Variants in KLHL38 observed in about 807,000 individuals in gnomAD.
KLHL38 encodes the protein kelch like family member 38.
A neutral mutation model predicts 39.6 loss-of-function variants in KLHL38; 38 were observed. The ratio of observed to expected loss-of-function variants is 0.96; its 90% CI spans 0.74 to 1.26. The LOEUF (loss-of-function observed/expected upper bound fraction) is 1.26. Among genes scored for constraint, KLHL38 ranks in the 50% most tolerant of loss-of-function variants. The probability of loss-of-function intolerance (pLI) is 0.00; values close to 1 mark genes in which losing one functional copy is unlikely to be tolerated. For synonymous variants in KLHL38, 322 were observed against 302.2 expected, an observed-to-expected ratio of 1.07 and a Z score of -0.68; for missense variants, 803 against 748.1, an observed-to-expected ratio of 1.07 and a Z score of -0.86.
At position 123,647,896 on chromosome 8, in the gene KLHL38, G is replaced by A. The variant is rs557148181; in HGVS notation, c.1351-882C>T. 4.2e-4 allele frequency among the ~76,000 whole-genome samples: 64 copies of A among 152,210 alleles called. 1 individual carries two copies. In the South Asian group the frequency reaches 0.013, roughly 32 times the overall value. ...AGTTTGAGACCAGTCTGGCCAACAT[G>A]GTGAAACCCCATCTCTACTAAAAAT... is the stretch of plus-strand genomic sequence containing the variant. On this transcript the variant is annotated intron_variant, in intron 2 of 3. Coordinates refer to ENST00000684634, the MANE Select transcript of KLHL38 (RefSeq NM_001081675.3).
chr8:123,651,458 G>A, intron 2 of KLHL38, 119 bp downstream of exon 2: 1 of 989,708 alleles, frequency 1.0e-6, no homozygotes, highest in Middle Eastern at 2.3e-4. Flanking sequence ...ATATATTTAT[G>A]TGCATATATG....
Position 123,652,674 on chromosome 8 carries a change from G to T in KLHL38, c.253C>A (p.Leu85Met). ...VQLKGIDPPT[L>M]DQIVSYVYTG... ...TACACGTAGGAGACGATCTGGTCCAGGGTTGGGGGGTCAATGCCTTTCAGC... is the reference window on the plus strand; with the variant it reads ...TACACGTAGGAGACGATCTGGTCCATGGTTGGGGGGTCAATGCCTTTCAGC... The change falls in exon 2 of 4, where the codon CTG becomes ATG. Residue 85 changes from leucine (L) to methionine (M), a missense_variant. Physicochemically the swap from Leu to Met is conservative, Grantham distance 15 (BLOSUM62 2). Coordinates refer to ENST00000684634, the MANE Select transcript of KLHL38 (RefSeq NM_001081675.3). The T allele has an allele frequency of 1.2e-6, 2 of 1,614,202 alleles. No homozygotes were observed. Among genetic ancestry groups the T allele is most frequent in the South Asian group, 2.2e-5 (2 of 91,074 alleles).
At chr8:123,646,448 C>T (rs4439107) in intron 3 of KLHL38, among the ~76,000 whole-genome samples, 6,159 of 152,254 alleles carry the variant, frequency 0.04, 177 homozygotes, top group Non-Finnish European at 0.062. Flanking sequence ...AACTGAGGCA[C>T]AGAAAGATGT....
rs374414250 is a variant in KLHL38, at chr8:123,645,449, AAGAG to A, written c.*286_*289del. ...GAAACTCCATCTCAAAAAAAAGAAA[AAGAG>A]AGAGAGAGAGAGAGAGAGAGAGAGA... On this transcript the variant is annotated 3_prime_UTR_variant, in exon 4 of 4. Coordinates refer to ENST00000684634, the MANE Select transcript of KLHL38 (RefSeq NM_001081675.3). 0.071 allele frequency: 22,885 copies of A among 322,596 alleles called. 629 individuals are homozygous for A. Among genetic ancestry groups the A allele is most frequent in the Non-Finnish European group, 0.083 (15,021 of 181,890 alleles). 20.0% of individuals were successfully genotyped at this position (322,596 alleles called of 1,614,324 possible).
intron 2 of KLHL38, among the ~76,000 whole-genome samples, chr8:123,648,090 AATAAG>A (rs1157962275): frequency 2.0e-5 from 3 of 152,174 alleles, no homozygotes; most frequent in African/African-American, 4.8e-5. Flanking sequence ...CAAAAAATAA[AATAAG>A]GTAAGATTAC....
At chr8:123,647,099 C>T in intron 2 of KLHL38, 85 bp from the exon 3 acceptor site, 1 of 749,596 alleles carries the variant, frequency 1.3e-6, no homozygotes, top group Non-Finnish European at 2.3e-6. Context: ...CGAGGGTGAA[C>T]TAGGAGTGAG....
rs554982778 is a variant in KLHL38 at position 123,650,319 on chromosome 8, G to A, written c.1350+1258C>T. ...GATAGCTGATGAGCTAAAAAAAATC[G>A]CTAAAAAAAATCTCATCATGTTTTA... is the stretch of plus-strand genomic sequence containing the variant. On this transcript the variant is annotated intron_variant, in intron 2 of 3. Transcript: ENST00000684634. Among the ~76,000 whole-genome samples, 8 of 152,140 alleles carry A rather than the reference G, an allele frequency of 5.3e-5. No individual in the cohort carries two copies. The East Asian group carries it at 1.2e-3, about 22-fold the overall frequency.
At position 123,651,588 on chromosome 8, in the gene KLHL38, G is replaced by A. The variant is rs370825012; in HGVS notation, c.1339C>T (p.Arg447Cys). The change falls in exon 2 of 4, where the codon CGC becomes TGC. Residue 447 changes from arginine to cysteine, a missense_variant. Coordinates refer to ENST00000684634, the MANE Select transcript of KLHL38 (RefSeq NM_001081675.3). ...AACCGGCCATTTACCTGGATAAGGC[G>A]CACAGGGTTCTGCATGATGTCCTCT... is the stretch of plus-strand genomic sequence containing the variant. The part of the protein sequence containing the change: ...GGEDIMQNPV[R>C]LIQVYHISRN... 6.7e-5 allele frequency: 106 copies of A among 1,579,188 alleles called. No individual in the cohort carries two copies. Among genetic ancestry groups the A allele is most frequent in the Middle Eastern group, 1.7e-4 (1 of 5,922 alleles).
At position 123,652,742 on chromosome 8, in the gene KLHL38, A is replaced by G. The variant is rs1812677790; in HGVS notation, c.185T>C (p.Met62Thr). 2 of 1,614,216 alleles carry G rather than the reference A, an allele frequency of 1.2e-6. No individual in the cohort carries two copies. Among genetic ancestry groups the G allele is most frequent in the African/African-American group, 1.3e-5 (1 of 75,064 alleles). Residue 62 changes from methionine (M) to threonine (T), a missense_variant, in exon 2 of 4, where the codon ATG becomes ACG. Met to Thr is a moderately conservative substitution (Grantham distance 81). Transcript: ENST00000684634. ...LASSSPYFRA[M>T]FCSSFREKSE... is the part of the protein sequence containing the mutation. Reference sequence around the variant, plus strand: ...CTTCTCCCGGAAGCTGCTGCAGAACATAGCCCTGAAGTAGGGGCTGCTGGA... The same window carrying G: ...CTTCTCCCGGAAGCTGCTGCAGAACGTAGCCCTGAAGTAGGGGCTGCTGGA...
At chr8:123,653,304 T>G (rs529018003) in intron 1 of KLHL38, among the ~76,000 whole-genome samples, 1 of 152,344 alleles carries the variant, frequency 6.6e-6, no homozygotes, top group Non-Finnish European at 1.5e-5. Flanking sequence ...TGAGCCTTTT[T>G]CCAGATCGAT....
Position 123,647,248 on chromosome 8 carries a change from T to C in KLHL38, c.1351-234A>G, listed in dbSNP as rs1818679276. 2.0e-5 allele frequency among the ~76,000 whole-genome samples: 3 copies of C among 152,200 alleles called. No homozygotes were observed. The South Asian group carries it at 6.2e-4, about 31-fold the overall frequency. ...CAGGAACTCACTGGCTGTAATTCTA[T>C]AGAATAGATCAAGAGTTTTGCATTG... On this transcript the variant is annotated intron_variant, in intron 2 of 3. Transcript: ENST00000684634.
In KLHL38 at chr8:123,645,812, T is replaced by G. The variant is rs1317441535; in HGVS notation, c.1673A>C (p.Gln558Pro). Residue 558 changes from glutamine to proline, a missense_variant, in exon 4 of 4, where the codon CAG (glutamine) becomes CCG (proline). By Grantham distance (76) the Gln-to-Pro change is moderately conservative. Transcript: ENST00000684634. ...ATGGTCAAAGAGCTTGTGCGGCAGC[T>G]GTCCCTGGGATGTCCAGGTGTCCGT... is the stretch of plus-strand genomic sequence containing the variant. The part of the protein sequence containing the change: ...PETDTWTSQG[Q>P]LPHKLFDHAC... 1 of 1,613,434 alleles carries G rather than the reference T, an allele frequency of 6.2e-7. No individual in the cohort carries two copies.
Position 123,645,871 on chromosome 8 carries a change from C to T in KLHL38, c.1614G>A (p.Glu538=), listed in dbSNP as rs367914865. 16 of 1,613,938 alleles carry T rather than the reference C, an allele frequency of 9.9e-6. No individual in the cohort carries two copies. The African/African-American group carries it at 1.2e-4, about 12-fold the overall frequency. ...CGTAGCAATCGAAGGAGGCGGAGTC[C>T]TCAATGTTGCAGTCCGTGGTCAGCC... ...GRRLTTDCNI[E]DSASFDCYDP... is the part of the protein sequence containing the mutation. Residue 538 remains glutamate, a synonymous_variant, in exon 4 of 4, where the codon GAG becomes GAA. Coordinates refer to ENST00000684634, the MANE Select transcript of KLHL38 (RefSeq NM_001081675.3).
intron 3 of KLHL38, 71 bp from the exon 4 acceptor site, chr8:123,646,099 C>T (rs1011561090): frequency 2.7e-5 from 37 of 1,370,088 alleles, no homozygotes; most frequent in Middle Eastern, 3.6e-4. Context: ...AGTCCTGGGA[C>T]GCGTCTGACT....
In KLHL38 at chr8:123,645,855, C is replaced by G. The variant is rs368358922; in HGVS notation, c.1630G>C (p.Asp544His). The G allele has an allele frequency of 6.2e-6, 10 of 1,613,842 alleles. No homozygotes were observed. Among genetic ancestry groups the G allele is most frequent in the Non-Finnish European group, 8.5e-6 (10 of 1,179,994 alleles). Residue 544 changes from aspartate to histidine, a missense_variant, in exon 4 of 4, where the codon GAT (aspartate) becomes CAT (histidine). Coordinates refer to ENST00000684634, the MANE Select transcript of KLHL38 (RefSeq NM_001081675.3). Reference protein sequence around the residue: ...DCNIEDSASFDCYDPETDTWT... With the variant: ...DCNIEDSASFHCYDPETDTWT... ...GTGTCCGTCTCGGGGTCGTAGCAAT[C>G]GAAGGAGGCGGAGTCCTCAATGTTG...
At chr8:123,646,801 G>T in intron 3 of KLHL38, 108 bp downstream of exon 3, 1 of 686,282 alleles carries the variant, frequency 1.5e-6, no homozygotes, top group Non-Finnish European at 2.5e-6. Context: ...GGTTGGATGT[G>T]CTTTTGAAAA....
At chr8:123,647,720 C>A (rs1818686328) in intron 2 of KLHL38, among the ~76,000 whole-genome samples, 1 of 152,162 alleles carries the variant, frequency 6.6e-6, no homozygotes, top group Non-Finnish European at 1.5e-5. Context: ...AAAGAAGGAA[C>A]AAGAGCATTT....
chr8:123,651,441 T>A (rs1812641705), intron 2 of KLHL38, 136 bp downstream of exon 2: 1 of 892,612 alleles, frequency 1.1e-6, no homozygotes, highest in African/African-American at 1.7e-5. Context: ...TGTATATGTG[T>A]GCATATATAT....
At position 123,644,783 on chromosome 8, in the gene KLHL38, T is replaced by A. The variant is rs998982502; in HGVS notation, c.*956A>T. ...CCCACCTCTGTCTGTGGGGATGTGG[T>A]CCAGGACTAGCCAGTCCTGGCAACA... On this transcript the variant is annotated 3_prime_UTR_variant, in exon 4 of 4. Coordinates refer to ENST00000684634, the MANE Select transcript of KLHL38 (RefSeq NM_001081675.3). 6.6e-5 allele frequency among the ~76,000 whole-genome samples: 10 copies of A among 152,276 alleles called. No individual in the cohort carries two copies. The highest frequency in any genetic ancestry group is 5.9e-4 in the Admixed American group (9 of 15,294).
Sources: allele counts gnomAD v4.1 joint callset (sites outside exome capture counted in the v4.1 genomes callset), GRCh38; gene constraint gnomAD v4.1.1; transcripts MANE v1.5; gene names NCBI Gene and HGNC (gene_info 2026-07-23, HGNC 2026-07-21).